The following FREM1 variants were observed in gnomAD, a reference collection of about 807,000 sequenced individuals.
FREM1 encodes FRAS1 related extracellular matrix 1.
A neutral mutation model predicts 210.1 loss-of-function variants in FREM1; 220 were observed. That is an observed-to-expected ratio of 1.05 (90% confidence interval 0.94 to 1.17). FREM1 has a LOEUF of 1.17. Among genes scored for constraint, FREM1 ranks in the 50% most tolerant of loss-of-function variants. The pLI is 0.00. For synonymous variants in FREM1, 1,189 were observed against 980.2 expected, an observed-to-expected ratio of 1.21 and a Z score of -3.98; for missense variants, 3,454 against 2,675.5, an observed-to-expected ratio of 1.29 and a Z score of -6.42.
At chr9:14,894,945 G>A (rs1449250589) in intron 1 of FREM1, among the ~76,000 whole-genome samples, 1 of 152,214 alleles carries the variant, frequency 6.6e-6, no homozygotes, top group Non-Finnish European at 1.5e-5. Flanking sequence ...GACTGGTAAA[G>A]CCAATAAAAG....
chr9:14,874,712 G>T (rs1268143279), intron 1 of FREM1, among the ~76,000 whole-genome samples: 1 of 152,112 alleles, frequency 6.6e-6, no homozygotes, highest in Non-Finnish European at 1.5e-5. Flanking sequence ...CTGTCATTAT[G>T]ATTTTAGCTG....
chr9:14,901,934 C>T lies in FREM1; in HGVS notation c.-268+7980G>A, dbSNP rs534246950. On this transcript the variant is annotated intron_variant, in intron 1 of 36. Transcript: ENST00000380880. ...TGGCTTGATCACGGATCACTGCAGC[C>T]TTGACCACTGGGTCTCAAGTGATCC... is the stretch of plus-strand genomic sequence containing the variant. Among the ~76,000 whole-genome samples, 313 of 151,918 alleles carry T rather than the reference C, an allele frequency of 2.1e-3. 1 individual carries two copies. Among genetic ancestry groups the T allele is most frequent in the Non-Finnish European group, 3.7e-3 (251 of 68,014 alleles).
At position 14,801,642 on chromosome 9, in the gene FREM1, C is replaced by T. The variant is rs1440553281; in HGVS notation, c.3694+10G>A. On this transcript the variant is annotated intron_variant, in intron 20 of 36. Coordinates refer to ENST00000380880, the MANE Select transcript of FREM1 (RefSeq NM_001379081.2). Reference sequence around the variant, plus strand: ...CAATAACAAATGCATGGAAGTGGAACATGCTATACCAGTCTTGAGGAGTTC... The same window carrying T: ...CAATAACAAATGCATGGAAGTGGAATATGCTATACCAGTCTTGAGGAGTTC... 1 of 1,560,550 alleles carries T rather than the reference C, an allele frequency of 6.4e-7. No individual in the cohort carries two copies. Among genetic ancestry groups the T allele is most frequent in the Admixed American group, 1.7e-5 (1 of 59,660 alleles).
intron 18 of FREM1, among the ~76,000 whole-genome samples, chr9:14,806,283 TC>T (rs34014835): frequency 0.49 from 72,106 of 146,394 alleles, 18,540 homozygotes; most frequent in Middle Eastern, 0.61. Context: ...AGACGGAGTT[TC>T]CGCTCCTGCT....
intron 27 of FREM1, among the ~76,000 whole-genome samples, chr9:14,762,393 A>G (rs1845660113): frequency 6.6e-6 from 1 of 152,210 alleles, no homozygotes; most frequent in African/African-American, 2.4e-5. Flanking sequence ...AAATCCATCA[A>G]TGTCATTCTG....
intron 1 of FREM1, among the ~76,000 whole-genome samples, chr9:14,887,522 A>G: frequency 6.6e-6 from 1 of 152,216 alleles, no homozygotes. Flanking sequence ...TTGTTCAATT[A>G]CTGTACAAAG....
chr9:14,787,962 A>T (rs1203852263), intron 23 of FREM1, among the ~76,000 whole-genome samples: 1 of 152,238 alleles, frequency 6.6e-6, no homozygotes, highest in Non-Finnish European at 1.5e-5. Flanking sequence ...AGCTCAATGT[A>T]AACATCTCAA....
intron 1 of FREM1, among the ~76,000 whole-genome samples, chr9:14,896,997 T>C (rs1481248600): frequency 1.3e-5 from 2 of 152,202 alleles, no homozygotes; most frequent in African/African-American, 2.4e-5. Context: ...ACCATGAATA[T>C]TTTTGTAAAG....
intron 27 of FREM1, among the ~76,000 whole-genome samples, chr9:14,763,727 C>A (rs1008030818): frequency 6.6e-6 from 1 of 152,180 alleles, no homozygotes; most frequent in African/African-American, 2.4e-5. Context: ...ACTTGCTGAT[C>A]CCCCTGCTCC....
At chr9:14,904,710 T>C (rs1485473121) in intron 1 of FREM1, among the ~76,000 whole-genome samples, 5 of 152,124 alleles carry the variant, frequency 3.3e-5, no homozygotes, top group Non-Finnish European at 7.4e-5. Context: ...GGTTGTTTGT[T>C]TCAGAGAGGG....
intron 24 of FREM1, chr9:14,779,593 C>A: frequency 1.9e-5 from 10 of 519,518 alleles, no homozygotes; most frequent in Non-Finnish European, 2.5e-5. Context: ...CACATCTACT[C>A]GATGCGTGCA....
At chr9:14,819,186 G>C (rs747310062) in intron 14 of FREM1, 48 bp downstream of exon 14, 25 of 1,363,106 alleles carry the variant, frequency 1.8e-5, no homozygotes, top group Non-Finnish European at 2.1e-5. Context: ...AACTGATCTA[G>C]ATAAGAAACT....
chr9:14,871,987 G>A (rs1832765935), intron 1 of FREM1, among the ~76,000 whole-genome samples: 1 of 152,064 alleles, frequency 6.6e-6, no homozygotes, highest in Admixed American at 6.6e-5. Flanking sequence ...TAGACATGCG[G>A]CATTATTTCT....
chr9:14,874,088 C>G (rs1429843491), intron 1 of FREM1, among the ~76,000 whole-genome samples: 1 of 152,032 alleles, frequency 6.6e-6, no homozygotes, highest in Non-Finnish European at 1.5e-5. Context: ...TTACTTCCAA[C>G]TATGTGGTCA....
At chr9:14,879,310 AGGTTGAGG>A (rs2132101199) in intron 1 of FREM1, among the ~76,000 whole-genome samples, 1 of 41,684 alleles carries the variant, frequency 2.4e-5, no homozygotes, top group African/African-American at 5.8e-4. Context: ...CATAACACTG[AGGTTGAGG>A]AGGTTGAGAT....
At chr9:14,795,460 AAAT>A (rs1166268715) in intron 21 of FREM1, among the ~76,000 whole-genome samples, 1 of 152,204 alleles carries the variant, frequency 6.6e-6, no homozygotes. Flanking sequence ...CTGGAGGAAA[AAAT>A]AATGGAGCAG....
intron 35 of FREM1, 140 bp downstream of exon 35, chr9:14,746,213 T>A: frequency 1.7e-6 from 1 of 600,880 alleles, no homozygotes; most frequent in Non-Finnish European, 2.9e-6. Context: ...GGGAACTCCC[T>A]CAGGGCTCCT....
Position 14,784,207 on chromosome 9 carries a change from T to C in FREM1, c.4442+163A>G, listed in dbSNP as rs41265302. 0.036 allele frequency: 22,242 copies of C among 609,544 alleles called. 1,059 individuals are homozygous for C. Among genetic ancestry groups the C allele is most frequent in the African/African-American group, 0.15 (7,852 of 53,448 alleles). The allele number at this position is 609,544 out of a possible 1,614,324, so 37.8% of individuals were successfully genotyped here. A position where few individuals can be genotyped will look rare whatever the true frequency, so the allele number is the denominator to read the frequency against. On this transcript the variant is annotated intron_variant, in intron 24 of 36. Coordinates refer to ENST00000380880, the MANE Select transcript of FREM1 (RefSeq NM_001379081.2). ...TTTTTTTCTCCTTTTCTTTCCTTTTTTTAAAAAACAAATTTCATTCTATAA... is the reference window on the plus strand; with the variant it reads ...TTTTTTTCTCCTTTTCTTTCCTTTTCTTAAAAAACAAATTTCATTCTATAA...
chr9:14,814,394 A>T (rs1167744291), intron 15 of FREM1, among the ~76,000 whole-genome samples: 1 of 152,196 alleles, frequency 6.6e-6, no homozygotes, highest in Non-Finnish European at 1.5e-5. Context: ...GAAAGCACTT[A>T]TTAAATATTT....
Sources: gnomAD v4.1 joint callset for allele counts (sites outside exome capture counted in the v4.1 genomes callset) on GRCh38, gnomAD v4.1.1 for gene constraint, MANE v1.5 for transcripts, NCBI Gene and HGNC (gene_info 2026-07-23, HGNC 2026-07-21) for gene names.